Variants in PRMT8 observed in about 807,000 individuals in gnomAD.
PRMT8 encodes protein arginine methyltransferase 8.
PRMT8 carries 7 observed loss-of-function variants against 47.1 expected under a neutral mutation model. The ratio of observed to expected loss-of-function variants is 0.15; its 90% CI spans 0.08 to 0.28. The LOEUF is 0.28. Ranked by LOEUF, PRMT8 falls within the 10% of genes least tolerant of loss-of-function variation. The pLI is 1.00. For synonymous variants in PRMT8, 188 were observed against 186.5 expected (o/e 1.01, Z -0.07); for missense variants, 237 against 505.4 (o/e 0.47, Z 5.09).
chr12:3,443,072 C>T (rs1591551344), intron 1 of PRMT8, among the ~76,000 whole-genome samples: 1 of 152,256 alleles, frequency 6.6e-6, no homozygotes, highest in East Asian at 1.9e-4. Context: ...GAGGGACTTT[C>T]TTTCTGGAAT....
chr12:3,592,773 A>C (rs1377391311), intron 9 of PRMT8, among the ~76,000 whole-genome samples: 1 of 152,204 alleles, frequency 6.6e-6, no homozygotes, highest in Non-Finnish European at 1.5e-5. Context: ...TGTGGGCATG[A>C]GCGCTAAAAA....
chr12:3,524,861 C>A (rs373320366), intron 1 of PRMT8, among the ~76,000 whole-genome samples: 33 of 152,150 alleles, frequency 2.2e-4, no homozygotes, highest in African/African-American at 7.7e-4. Flanking sequence ...TCACTGTTCT[C>A]CAAGTCTCTG....
At chr12:3,499,163 T>A (rs1865552716) in intron 1 of PRMT8, among the ~76,000 whole-genome samples, 1 of 147,868 alleles carries the variant, frequency 6.8e-6, no homozygotes, top group East Asian at 1.9e-4. Flanking sequence ...ATTTTTATTT[T>A]TATTTATTTA....
rs1289568878 is a variant in PRMT8 at position 3,496,134 on chromosome 12, A to G, written c.75+4434A>G. On this transcript the variant is annotated intron_variant, in intron 1 of 9. Transcript: ENST00000382622. ...GCGATGACTCCCTGATTAGGGTTTTATCACCTCAAAGGAGAGCCCCCAGGA... is the reference window on the plus strand; with the variant it reads ...GCGATGACTCCCTGATTAGGGTTTTGTCACCTCAAAGGAGAGCCCCCAGGA... Among the ~76,000 whole-genome samples the G allele has an allele frequency of 3.5e-5, 5 of 143,550 alleles. No individual in the cohort carries two copies. In the Admixed American group the frequency reaches 3.6e-4, roughly 10 times the overall value. The allele number at this position is 143,550 out of a possible 152,430, so 94.2% of individuals were successfully genotyped here.
intron 1 of PRMT8, among the ~76,000 whole-genome samples, chr12:3,529,599 A>T (rs1565432060): frequency 6.6e-6 from 1 of 152,322 alleles, no homozygotes; most frequent in East Asian, 1.9e-4. Context: ...ATGAGTGGAA[A>T]TATAATCATT....
At chr12:3,547,503 C>T (rs1235159715) in intron 2 of PRMT8, among the ~76,000 whole-genome samples, 1 of 152,088 alleles carries the variant, frequency 6.6e-6, no homozygotes, top group Non-Finnish European at 1.5e-5. Context: ...TGGGGCCAGG[C>T]ATGGTGGCTC....
chr12:3,579,854 G>A (rs1867021420), intron 7 of PRMT8, among the ~76,000 whole-genome samples: 1 of 152,142 alleles, frequency 6.6e-6, no homozygotes, highest in African/African-American at 2.4e-5. Context: ...GGGCACTTCT[G>A]AGTAATTTAT....
At chr12:3,428,065 CT>C (rs1052959438) in intron 1 of PRMT8, among the ~76,000 whole-genome samples, 11 of 152,256 alleles carry the variant, frequency 7.2e-5, no homozygotes, top group African/African-American at 2.6e-4. Flanking sequence ...GTATAGATGG[CT>C]TTTTAATTTT....
chr12:3,490,780 C>T (rs964062730), upstream of PRMT8, among the ~76,000 whole-genome samples: 6 of 151,458 alleles, frequency 4.0e-5, no homozygotes, highest in Non-Finnish European at 8.8e-5. Context: ...GGACCCTCCC[C>T]CATCCAGACA....
At chr12:3,513,222 A>AT (rs1865739727) in intron 1 of PRMT8, among the ~76,000 whole-genome samples, 1 of 152,088 alleles carries the variant, frequency 6.6e-6, no homozygotes, top group Admixed American at 6.5e-5. Flanking sequence ...ACATTGTTCA[A>AT]TCCCCCATCA....
At chr12:3,487,440 T>G (rs1411225681), upstream of PRMT8, among the ~76,000 whole-genome samples, 1 of 152,078 alleles carries the variant, frequency 6.6e-6, no homozygotes, top group Non-Finnish European at 1.5e-5. Context: ...GGAGATGAAG[T>G]ATGGTACAGT....
At chr12:3,523,134 C>T (rs931619895) in intron 1 of PRMT8, among the ~76,000 whole-genome samples, 13 of 152,214 alleles carry the variant, frequency 8.5e-5, no homozygotes, top group Non-Finnish European at 7.4e-5. Flanking sequence ...CTGTCACAAG[C>T]GAACAAATAT....
At chr12:3,558,386 A>G (rs1285570942) in intron 4 of PRMT8, among the ~76,000 whole-genome samples, 2 of 152,176 alleles carry the variant, frequency 1.3e-5, no homozygotes, top group East Asian at 3.8e-4. Context: ...ATCCCTGAAT[A>G]CATTAGTGTG....
At chr12:3,499,419 T>G (rs2137120646) in intron 1 of PRMT8, among the ~76,000 whole-genome samples, 1 of 75,118 alleles carries the variant, frequency 1.3e-5, no homozygotes, top group East Asian at 3.5e-4. Flanking sequence ...CATTGTTCAA[T>G]TCCCACCTAT....
intron 1 of PRMT8, among the ~76,000 whole-genome samples, chr12:3,427,521 C>A (rs1436840800): frequency 6.6e-6 from 1 of 151,988 alleles, no homozygotes; most frequent in Non-Finnish European, 1.5e-5. Context: ...GGTAAAAATT[C>A]ACATTCTTAT....
At chr12:3,517,512 T>G (rs1201372703) in intron 1 of PRMT8, among the ~76,000 whole-genome samples, 1 of 152,086 alleles carries the variant, frequency 6.6e-6, no homozygotes, top group African/African-American at 2.4e-5. Context: ...AGCTCATGCA[T>G]GAGCTAAGGT....
chr12:3,552,983 C>A lies in PRMT8; in HGVS notation c.418-668C>A, dbSNP rs1466779750. ...TAACCCTGGGCTGGAGCTTGGCTTCCAACCATTCCCATGAGGGCCTGCTCT... is the reference window on the plus strand; with the variant it reads ...TAACCCTGGGCTGGAGCTTGGCTTCAAACCATTCCCATGAGGGCCTGCTCT... On this transcript the variant is annotated intron_variant, in intron 3 of 9. Transcript: ENST00000382622. The surrounding 1 kb of genome is among the most constrained non-coding windows in gnomAD (Gnocchi z 4.5). 1 of 322,216 alleles carries A rather than the reference C, an allele frequency of 3.1e-6. No individual in the cohort carries two copies. Among genetic ancestry groups the A allele is most frequent in the African/African-American group, 2.2e-5 (1 of 46,008 alleles). 20.0% of individuals were successfully genotyped at this position (322,216 alleles called of 1,614,324 possible).
chr12:3,395,507 T>C (rs1169547608), intron 1 of PRMT8, among the ~76,000 whole-genome samples: 1 of 152,042 alleles, frequency 6.6e-6, no homozygotes, highest in Non-Finnish European at 1.5e-5. Context: ...TCAGTTTCCA[T>C]GTAGTTGAGT....
intron 1 of PRMT8, among the ~76,000 whole-genome samples, chr12:3,496,116 C>T (rs1051364099): frequency 6.8e-6 from 1 of 147,514 alleles, no homozygotes; most frequent in East Asian, 2.0e-4. Flanking sequence ...ATGGCGATGA[C>T]TCCCTGATTA....
Sources: gnomAD v4.1 joint callset for allele counts (sites outside exome capture counted in the v4.1 genomes callset) on GRCh38, gnomAD v4.1.1 for gene constraint, Gnocchi (gnomAD v3.1) non-coding constraint, MANE v1.5 for transcripts, NCBI Gene and HGNC (gene_info 2026-07-23, HGNC 2026-07-21) for gene names.